The following CSMD1 variants were observed in gnomAD, a reference collection of about 807,000 sequenced individuals.
CSMD1 encodes CUB and Sushi multiple domains 1.
CSMD1 carries 213 observed loss-of-function variants against 417.5 expected under a neutral mutation model. The ratio of observed to expected loss-of-function variants is 0.51; its 90% confidence interval spans 0.46 to 0.57. CSMD1 has a LOEUF of 0.57. CSMD1 is among the 20% of genes least tolerant of loss of function. CSMD1 has a pLI of 0.00. For missense variants in CSMD1, 6,923 were observed against 4,529.7 expected, an observed-to-expected ratio of 1.53 and a Z score of -15.17; for synonymous variants, 2,862 against 1,736.8, an observed-to-expected ratio of 1.65 and a Z score of -16.11.
rs541750018 is a variant in CSMD1, at chr8:3,016,695, T to G, written c.8029+1782A>C. On this transcript the variant is annotated intron_variant, in intron 52 of 69. Coordinates refer to ENST00000635120, the MANE Select transcript of CSMD1 (RefSeq NM_033225.6). ...TCTTCCAATTTTATTATTCCTTATA[T>G]GCTGTATCCAATATCTACAACACAA... 3.3e-5 allele frequency among the ~76,000 whole-genome samples: 5 copies of G among 152,364 alleles called. No individual in the cohort carries two copies. The South Asian group carries it at 6.2e-4, about 19-fold the overall frequency.
intron 2 of CSMD1, among the ~76,000 whole-genome samples, chr8:4,501,180 G>T (rs891835682): frequency 9.2e-5 from 14 of 152,068 alleles, no homozygotes; most frequent in African/African-American, 2.9e-4. Flanking sequence ...GCATATATAT[G>T]TATGTGTATA....
chr8:4,484,200 GAA>G (rs79443875), intron 2 of CSMD1, among the ~76,000 whole-genome samples: 8 of 105,366 alleles, frequency 7.6e-5, no homozygotes, highest in East Asian at 2.8e-4. Flanking sequence ...TGGATGACAC[GAA>G]AAAAAAAAAA....
At chr8:4,985,380 T>TA (rs974427362) in intron 1 of CSMD1, among the ~76,000 whole-genome samples, 91 of 151,666 alleles carry the variant, frequency 6.0e-4, no homozygotes, top group South Asian at 1.5e-3. Context: ...AAGTTTTTTT[T>TA]AAAAAAAAAT....
intron 2 of CSMD1, among the ~76,000 whole-genome samples, chr8:4,528,800 TC>T (rs1796650302): frequency 6.6e-6 from 1 of 151,892 alleles, no homozygotes; most frequent in Non-Finnish European, 1.5e-5. Flanking sequence ...TCTCTCTCTC[TC>T]TCTCATACAC....
At chr8:4,613,463 T>C (rs1801298889) in intron 2 of CSMD1, among the ~76,000 whole-genome samples, 1 of 152,164 alleles carries the variant, frequency 6.6e-6, no homozygotes. Flanking sequence ...TTGCTGCACC[T>C]GTTCACCATG....
chr8:4,089,685 A>G (rs965408331), intron 3 of CSMD1, among the ~76,000 whole-genome samples: 1 of 152,248 alleles, frequency 6.6e-6, no homozygotes, highest in Non-Finnish European at 1.5e-5. Context: ...CTTAACATAT[A>G]GAATGTGCCC....
At chr8:4,632,200 A>G (rs1264626393) in intron 2 of CSMD1, among the ~76,000 whole-genome samples, 1 of 152,178 alleles carries the variant, frequency 6.6e-6, no homozygotes, top group Non-Finnish European at 1.5e-5. Flanking sequence ...TGAATCAGGA[A>G]TAATGTAATT....
At chr8:3,277,090 G>A (rs1032309011) in intron 26 of CSMD1, among the ~76,000 whole-genome samples, 2 of 152,130 alleles carry the variant, frequency 1.3e-5, no homozygotes, top group Non-Finnish European at 2.9e-5. Flanking sequence ...GTGTGTAACA[G>A]GAACACACAT....
intron 52 of CSMD1, among the ~76,000 whole-genome samples, chr8:3,010,283 T>C (rs992482672): frequency 3.9e-5 from 6 of 152,218 alleles, no homozygotes; most frequent in Non-Finnish European, 1.5e-5. Flanking sequence ...TTGTTTTAGA[T>C]GTAGCAGGTG....
At chr8:4,340,271 T>C (rs190914858) in intron 3 of CSMD1, among the ~76,000 whole-genome samples, 1 of 152,216 alleles carries the variant, frequency 6.6e-6, no homozygotes, top group Non-Finnish European at 1.5e-5. Flanking sequence ...TTTGTCCTTT[T>C]TCCTTGAGAC....
intron 12 of CSMD1, among the ~76,000 whole-genome samples, chr8:3,414,523 C>T (rs891487527): frequency 1.3e-5 from 2 of 152,138 alleles, no homozygotes; most frequent in African/African-American, 2.4e-5. Flanking sequence ...CCTCTCATCG[C>T]TCCCCATGCT....
chr8:3,669,706 T>C (rs1444784449), intron 7 of CSMD1, among the ~76,000 whole-genome samples: 2 of 152,032 alleles, frequency 1.3e-5, no homozygotes, highest in African/African-American at 2.4e-5. Context: ...TGCTAGGAAC[T>C]GGGTACAAAG....
At chr8:3,218,309 C>T (rs1444319345) in intron 29 of CSMD1, among the ~76,000 whole-genome samples, 3 of 152,074 alleles carry the variant, frequency 2.0e-5, no homozygotes, top group Non-Finnish European at 2.9e-5. Context: ...CGCCTGTAAT[C>T]GCAGCACTTT....
chr8:3,472,412 C>G (rs1401251556), intron 11 of CSMD1, among the ~76,000 whole-genome samples: 1 of 152,152 alleles, frequency 6.6e-6, no homozygotes, highest in Non-Finnish European at 1.5e-5. Context: ...GCCTGGACAA[C>G]ATGATTGGTA....
At chr8:4,432,006 G>A (rs1046359970) in intron 2 of CSMD1, among the ~76,000 whole-genome samples, 1 of 152,106 alleles carries the variant, frequency 6.6e-6, no homozygotes, top group African/African-American at 2.4e-5. Flanking sequence ...ATTTGTCAAT[G>A]TATTCTCAAA....
chr8:3,610,656 T>C (rs1470405957), intron 8 of CSMD1, among the ~76,000 whole-genome samples: 2 of 152,186 alleles, frequency 1.3e-5, no homozygotes, highest in African/African-American at 2.4e-5. Context: ...AACTCAATTT[T>C]TCTTGTAACA....
intron 2 of CSMD1, among the ~76,000 whole-genome samples, chr8:4,488,438 G>C (rs916248016): frequency 1.3e-5 from 2 of 152,046 alleles, no homozygotes; most frequent in African/African-American, 4.8e-5. Flanking sequence ...AGAGGGCAGA[G>C]GTGAAGTAGT....
intron 5 of CSMD1, among the ~76,000 whole-genome samples, chr8:3,853,676 G>C (rs1371391250): frequency 1.3e-5 from 2 of 151,950 alleles, no homozygotes; most frequent in East Asian, 3.9e-4. Context: ...AGTGTAGAAG[G>C]TGGCAGTGTG....
chr8:3,883,936 A>G (rs1176827321), intron 5 of CSMD1, among the ~76,000 whole-genome samples: 2 of 152,166 alleles, frequency 1.3e-5, no homozygotes, highest in Non-Finnish European at 2.9e-5. Flanking sequence ...ATATAGGCAT[A>G]CGCTTTTAAA....
Sources: allele counts gnomAD v4.1 joint callset (sites outside exome capture counted in the v4.1 genomes callset), GRCh38; gene constraint gnomAD v4.1.1; transcripts MANE v1.5; gene names NCBI Gene and HGNC (gene_info 2026-07-23, HGNC 2026-07-21).